The following STARD13 variants were observed in gnomAD, a reference collection of about 807,000 sequenced individuals.
The protein encoded by STARD13 is StAR related lipid transfer domain containing 13, also known as stAR-related lipid transfer protein 13.
In STARD13, 62 loss-of-function variants were observed where a neutral mutation model predicts 106.4. The ratio of observed to expected loss-of-function variants is 0.58; its 90% confidence interval spans 0.48 to 0.72. The LOEUF is 0.72. Among genes scored for constraint, STARD13 ranks in the 30% least tolerant of loss-of-function variants. The probability of loss-of-function intolerance (pLI) is 0.00; values close to 1 mark genes in which losing one functional copy is unlikely to be tolerated. For missense variants in STARD13, 1,387 were observed against 1,424.0 expected (o/e 0.97, Z 0.42); for synonymous variants, 565 against 553.0 (o/e 1.02, Z -0.31).
chr13:33,260,998 T>C (rs1890612952), intron 1 of STARD13, among the ~76,000 whole-genome samples: 2 of 152,222 alleles, frequency 1.3e-5, no homozygotes, highest in South Asian at 2.1e-4. Context: ...CAAGTCCCTA[T>C]AGGGCAATAA....
intron 1 of STARD13, among the ~76,000 whole-genome samples, chr13:33,267,227 G>C (rs114089363): frequency 6.6e-6 from 1 of 152,144 alleles, no homozygotes; most frequent in Non-Finnish European, 1.5e-5. Flanking sequence ...AAATTTGAAG[G>C]AAGACACATA....
the STARD13 span, among the ~76,000 whole-genome samples, chr13:33,612,487 AG>A: frequency 1.3e-5 from 2 of 152,182 alleles, no homozygotes; most frequent in African/African-American, 2.4e-5. Context: ...AAAGAAAGCC[AG>A]GGGCACAGCC....
chr13:33,262,646 C>T (rs553144377), intron 1 of STARD13, among the ~76,000 whole-genome samples: 1 of 139,790 alleles, frequency 7.2e-6, no homozygotes, highest in Admixed American at 7.4e-5. Context: ...GAACCCCCCC[C>T]CCCACACACA....
At chr13:33,499,777 T>G in the STARD13 span, among the ~76,000 whole-genome samples, 1 of 144,820 alleles carries the variant, frequency 6.9e-6, no homozygotes, top group South Asian at 2.2e-4. Flanking sequence ...TTTTTTTTTT[T>G]TTTTAGAGAC....
chr13:33,349,117 C>T (rs1174564775), exon 2 of STARD13: 1 of 702,316 alleles, frequency 1.4e-6, no homozygotes, highest in East Asian at 2.7e-5. Context: ...TCTCCCGCTT[C>T]ACCAGTGGTG....
chr13:33,170,107 T>C lies in STARD13; in HGVS notation c.170-2485A>G, dbSNP rs141032596. 2.5e-3 allele frequency among the ~76,000 whole-genome samples: 375 copies of C among 152,254 alleles called. No individual in the cohort carries two copies. The Middle Eastern group carries it at 0.041, about 17-fold the overall frequency. On this transcript the variant is annotated intron_variant, in intron 1 of 13. Transcript: ENST00000336934. ...CTATTTGATAGCACAACAGGGTAAC[T>C]ACAGTCAATAACAACTTATTTGTAC...
At chr13:33,309,193 A>G (rs2138492844) in intron 1 of STARD13, among the ~76,000 whole-genome samples, 1 of 152,326 alleles carries the variant, frequency 6.6e-6, no homozygotes, top group East Asian at 1.9e-4. Context: ...TTGATAGAGA[A>G]AAACCTAACA....
chr13:33,186,897 C>T (rs868086956), intron 1 of STARD13, among the ~76,000 whole-genome samples: 38 of 152,162 alleles, frequency 2.5e-4, no homozygotes, highest in African/African-American at 8.9e-4. Flanking sequence ...GAAAGCCCCG[C>T]GTTCCTAGGC....
chr13:33,343,593 A>AAAC lies in STARD13; in HGVS notation c.124+6696_124+6697insGTT, dbSNP rs1566150525. Reference sequence around the variant, plus strand: ...ACCCTGTCTTAAAAAAAAAAAAAAAAAAAACAAATCTACAAATCTAGTAGT... The same window carrying AAAC: ...ACCCTGTCTTAAAAAAAAAAAAAAAAAACAAAACAAATCTACAAATCTAGTAGT... On this transcript the variant is annotated intron_variant, in intron 1 of 5. Coordinates refer to the STARD13 transcript ENST00000567873. Among the ~76,000 whole-genome samples the AAAC allele has an allele frequency of 1.2e-4, 11 of 93,760 alleles. No homozygotes were observed. The South Asian group carries it at 1.3e-3, about 11-fold the overall frequency. 61.5% of individuals were successfully genotyped at this position (93,760 alleles called of 152,430 possible). A position where few individuals can be genotyped will look rare whatever the true frequency, so the allele number is the denominator to read the frequency against.
Position 33,155,236 on chromosome 13 carries a change from C to A in STARD13, c.323+10101G>T, listed in dbSNP as rs186278671. 4.1e-3 allele frequency among the ~76,000 whole-genome samples: 619 copies of A among 152,182 alleles called. 4 individuals carry two copies. The highest frequency in any genetic ancestry group is 0.014 in the African/African-American group (588 of 41,518). On this transcript the variant is annotated intron_variant, in intron 3 of 13. Transcript: ENST00000336934. ...GACTCGCTCCTCCTTCATGGTTGTT[C>A]CCCACCTCAGGGAAGGGTATCTCTG... is the stretch of plus-strand genomic sequence containing the variant.
At chr13:33,440,255 G>A in the STARD13 span, among the ~76,000 whole-genome samples, 1 of 151,438 alleles carries the variant, frequency 6.6e-6, no homozygotes, top group Non-Finnish European at 1.5e-5. Context: ...CTCCAGCCTG[G>A]GCGACAGAAC....
the STARD13 span, among the ~76,000 whole-genome samples, chr13:33,364,687 G>C: frequency 6.6e-6 from 1 of 152,086 alleles, no homozygotes; most frequent in Non-Finnish European, 1.5e-5. Context: ...CAGGAGATCG[G>C]GACCATCCTG....
At chr13:33,243,775 G>A (rs1312783545) in intron 1 of STARD13, among the ~76,000 whole-genome samples, 1 of 152,130 alleles carries the variant, frequency 6.6e-6, no homozygotes, top group African/African-American at 2.4e-5. Context: ...TATCAGTGGA[G>A]TGCAAGTTCC....
intron 1 of STARD13, among the ~76,000 whole-genome samples, chr13:33,170,796 T>C (rs1023324777): frequency 5.9e-5 from 9 of 152,192 alleles, no homozygotes; most frequent in African/African-American, 2.2e-4. Context: ...ATACCTCAAT[T>C]TAAGGACAAA....
intron 1 of STARD13, among the ~76,000 whole-genome samples, chr13:33,181,509 T>C (rs1374717230): frequency 6.6e-6 from 1 of 152,180 alleles, no homozygotes; most frequent in Non-Finnish European, 1.5e-5. Flanking sequence ...TGAATGACTA[T>C]AAGAGAAAAA....
the STARD13 span, among the ~76,000 whole-genome samples, chr13:33,529,458 C>A: frequency 6.6e-6 from 1 of 152,136 alleles, no homozygotes; most frequent in Non-Finnish European, 1.5e-5. Context: ...ATCTTTGGAG[C>A]CCTCAATTCC....
chr13:33,507,856 G>A, the STARD13 span, among the ~76,000 whole-genome samples: 1 of 152,060 alleles, frequency 6.6e-6, no homozygotes, highest in Non-Finnish European at 1.5e-5. Flanking sequence ...TTAAGTGGAA[G>A]CAGATCATCA....
the STARD13 span, among the ~76,000 whole-genome samples, chr13:33,400,162 C>A: frequency 6.6e-6 from 1 of 152,138 alleles, no homozygotes; most frequent in African/African-American, 2.4e-5. Flanking sequence ...TGGTAACCAC[C>A]ATCCTACTCT....
At chr13:33,165,288 G>A in intron 3 of STARD13, 49 bp downstream of exon 3, 1 of 1,382,822 alleles carries the variant, frequency 7.2e-7, no homozygotes, top group Non-Finnish European at 1.0e-6. Flanking sequence ...AGTGATGCCT[G>A]TTGCAGACTG....
Sources: gnomAD v4.1 joint callset for allele counts (sites outside exome capture counted in the v4.1 genomes callset) on GRCh38, gnomAD v4.1.1 for gene constraint, MANE v1.5 for transcripts, NCBI Gene and HGNC (gene_info 2026-07-23, HGNC 2026-07-21) for gene names.